Variants in ZNF704 observed in about 807,000 individuals in gnomAD.
ZNF704 encodes the protein zinc finger protein 704, also known as glucocorticoid induced gene 1.
ZNF704 carries 10 observed loss-of-function variants against 44.7 expected under a neutral mutation model. That is an observed-to-expected ratio of 0.22 (90% confidence interval 0.14 to 0.38). The LOEUF is 0.38. ZNF704 is among the 10% of genes least tolerant of loss of function. The pLI is 1.00. For missense variants in ZNF704, 390 were observed against 545.5 expected (o/e 0.71, Z 2.84); for synonymous variants, 211 against 207.6 (o/e 1.02, Z -0.14).
At chr8:80,869,583 C>T (rs1234740688) in intron 1 of ZNF704, among the ~76,000 whole-genome samples, 3 of 152,210 alleles carry the variant, frequency 2.0e-5, no homozygotes, top group Non-Finnish European at 2.9e-5. Context: ...GGTTCCCTCC[C>T]TAAGGCTTTC....
chr8:80,724,313 C>A (rs1253411147), intron 2 of ZNF704, among the ~76,000 whole-genome samples: 1 of 152,192 alleles, frequency 6.6e-6, no homozygotes, highest in African/African-American at 2.4e-5. Context: ...CATGACTCTT[C>A]CTATCTATAA....
intron 4 of ZNF704, among the ~76,000 whole-genome samples, chr8:80,683,038 T>A (rs7814457): frequency 1.3e-5 from 2 of 152,188 alleles, no homozygotes; most frequent in African/African-American, 4.8e-5. Context: ...GTGGAATTGA[T>A]GGTTAACTCT....
intron 2 of ZNF704, among the ~76,000 whole-genome samples, chr8:80,713,822 C>G (rs1819030730): frequency 6.6e-6 from 1 of 152,220 alleles, no homozygotes; most frequent in Non-Finnish European, 1.5e-5. Flanking sequence ...GTGCTTCACT[C>G]TGAAATTGAC....
At chr8:80,860,548 AT>A (rs146687839) in intron 1 of ZNF704, among the ~76,000 whole-genome samples, 1 of 152,146 alleles carries the variant, frequency 6.6e-6, no homozygotes, top group African/African-American at 2.4e-5. Flanking sequence ...AATACCAAAT[AT>A]TTTTGTCAAA....
intron 6 of ZNF704, among the ~76,000 whole-genome samples, chr8:80,662,926 T>C (rs1818123490): frequency 6.6e-6 from 1 of 152,240 alleles, no homozygotes; most frequent in African/African-American, 2.4e-5. Flanking sequence ...GGATATTATT[T>C]AGTTACATGA....
chr8:80,866,472 C>T (rs1163560745), intron 1 of ZNF704, among the ~76,000 whole-genome samples: 3 of 152,162 alleles, frequency 2.0e-5, no homozygotes, highest in African/African-American at 7.2e-5. Context: ...ATTTCAACAA[C>T]ATAGATTTGG....
chr8:80,847,368 C>G (rs1808784550), intron 1 of ZNF704, among the ~76,000 whole-genome samples: 3 of 151,892 alleles, frequency 2.0e-5, no homozygotes, highest in East Asian at 1.9e-4. Flanking sequence ...GGTAATGGCT[C>G]AAGAGTCAAC....
chr8:80,751,841 G>A (rs1201895597), intron 2 of ZNF704, among the ~76,000 whole-genome samples: 3 of 152,172 alleles, frequency 2.0e-5, no homozygotes, highest in African/African-American at 7.2e-5. Flanking sequence ...TCCACCTCCT[G>A]GGTTCAAGCG....
intron 2 of ZNF704, among the ~76,000 whole-genome samples, chr8:80,714,037 G>C (rs1226375864): frequency 6.6e-6 from 1 of 152,156 alleles, no homozygotes; most frequent in East Asian, 1.9e-4. Context: ...TTGGGTGTTG[G>C]TCCACATTCT....
chr8:80,798,915 C>T (rs1263212324), intron 2 of ZNF704, among the ~76,000 whole-genome samples: 1 of 152,156 alleles, frequency 6.6e-6, no homozygotes, highest in East Asian at 1.9e-4. Flanking sequence ...CTGGTGAGGG[C>T]TTTCTTGCTG....
intron 1 of ZNF704, among the ~76,000 whole-genome samples, chr8:80,829,611 GA>G (rs964461768): frequency 1.3e-5 from 2 of 149,486 alleles, no homozygotes; most frequent in Admixed American, 6.7e-5. Flanking sequence ...AAAAATTTAG[GA>G]AAAAAAAACC....
At chr8:80,854,017 T>C (rs1360654090) in intron 1 of ZNF704, among the ~76,000 whole-genome samples, 1 of 152,176 alleles carries the variant, frequency 6.6e-6, no homozygotes, top group East Asian at 1.9e-4. Context: ...AAAGAAAGGA[T>C]GCAAAGTTAT....
At chr8:80,660,612 C>T (rs1818087871) in intron 6 of ZNF704, among the ~76,000 whole-genome samples, 1 of 151,786 alleles carries the variant, frequency 6.6e-6, no homozygotes, top group Non-Finnish European at 1.5e-5. Flanking sequence ...TGGAGCAAAA[C>T]AGGGAACCAA....
At chr8:80,848,330 T>A (rs1380878231) in intron 1 of ZNF704, among the ~76,000 whole-genome samples, 2 of 152,162 alleles carry the variant, frequency 1.3e-5, no homozygotes, top group Non-Finnish European at 2.9e-5. Flanking sequence ...GGGGGTCACA[T>A]GACTCCACAC....
At chr8:80,841,557 T>C (rs942528793) in intron 1 of ZNF704, among the ~76,000 whole-genome samples, 3 of 152,232 alleles carry the variant, frequency 2.0e-5, no homozygotes, top group African/African-American at 7.2e-5. Context: ...CCACGTGTTA[T>C]TGAGAGAATC....
intron 2 of ZNF704, among the ~76,000 whole-genome samples, chr8:80,758,856 A>AATAC (rs1434768186): frequency 1.3e-5 from 2 of 152,216 alleles, no homozygotes; most frequent in Admixed American, 1.3e-4. Context: ...TGTATCTTAA[A>AATAC]ATACATAGTG....
chr8:80,695,280 C>T (rs1818707822), intron 2 of ZNF704, among the ~76,000 whole-genome samples: 1 of 152,214 alleles, frequency 6.6e-6, no homozygotes, highest in Non-Finnish European at 1.5e-5. Flanking sequence ...CTGCCCTTCC[C>T]AGAGCCCAGC....
chr8:80,754,779 G>A (rs1334333223), intron 2 of ZNF704, among the ~76,000 whole-genome samples: 1 of 152,176 alleles, frequency 6.6e-6, no homozygotes, highest in Non-Finnish European at 1.5e-5. Flanking sequence ...GACATGTGTT[G>A]CTTCTCTAAC....
chr8:80,844,183 T>C (rs1808729751), intron 1 of ZNF704, among the ~76,000 whole-genome samples: 1 of 152,032 alleles, frequency 6.6e-6, no homozygotes, highest in Admixed American at 6.5e-5. Flanking sequence ...GGGAAAGCAA[T>C]TCTGAGGAAA....
Sources: allele counts gnomAD v4.1 joint callset (sites outside exome capture counted in the v4.1 genomes callset), GRCh38; gene constraint gnomAD v4.1.1; transcripts MANE v1.5; gene names NCBI Gene and HGNC (gene_info 2026-07-23, HGNC 2026-07-21).